The following CACNA1C variants were observed in gnomAD, a reference collection of about 807,000 sequenced individuals.
CACNA1C encodes voltage-dependent L-type calcium channel subunit alpha-1C.
Under a neutral mutation model 229.0 loss-of-function variants are expected in CACNA1C, and 30 were observed. That is an observed-to-expected ratio of 0.13 (90% CI 0.10 to 0.18). CACNA1C has a LOEUF of 0.18. Among genes scored for constraint, CACNA1C ranks in the 10% least tolerant of loss-of-function variants. The pLI, the probability that CACNA1C is intolerant of heterozygous loss-of-function variation, is 1.00. For synonymous variants in CACNA1C, 1,114 were observed against 1,132.5 expected, an observed-to-expected ratio of 0.98 and a Z score of 0.33; for missense variants, 1,658 against 2,845.0, an observed-to-expected ratio of 0.58 and a Z score of 9.49.
At chr12:2,114,890 T>G (rs1229023639) in intron 1 of CACNA1C, among the ~76,000 whole-genome samples, 1 of 152,226 alleles carries the variant, frequency 6.6e-6, no homozygotes, top group Non-Finnish European at 1.5e-5. Flanking sequence ...AATATGTATT[T>G]TAATTTCTAG....
chr12:2,051,663 A>T (rs1458957014), upstream of CACNA1C, among the ~76,000 whole-genome samples: 2 of 152,140 alleles, frequency 1.3e-5, no homozygotes. Flanking sequence ...CTAGACGTGG[A>T]ATGATGAGAG....
rs745340145 is a variant in CACNA1C at position 2,607,068 on chromosome 12, T to C, written c.3294T>C (p.Phe1098=). Residue 1098 remains phenylalanine, a synonymous_variant, in exon 26 of 47, where the codon TTT becomes TTC. Coordinates refer to ENST00000399655, the MANE Select transcript of CACNA1C (RefSeq NM_000719.7). ...GCTGGGAGAACAGCAAGTTTGACTTTGACAATGTTCTGGCAGCCATGATGG... is the reference window on the plus strand; with the variant it reads ...GCTGGGAGAACAGCAAGTTTGACTTCGACAATGTTCTGGCAGCCATGATGG... The part of the protein sequence containing the change: ...PRSWENSKFD[F]DNVLAAMMAL... 3.1e-6 allele frequency: 5 copies of C among 1,613,964 alleles called. No individual in the cohort carries two copies. The highest frequency in any genetic ancestry group is 1.6e-4 in the Middle Eastern group (1 of 6,062).
chr12:2,509,829 G>A (rs530613353), intron 8 of CACNA1C, among the ~76,000 whole-genome samples: 8 of 152,296 alleles, frequency 5.3e-5, no homozygotes, highest in Non-Finnish European at 1.0e-4. Context: ...TGGCCTCAGC[G>A]GGAACATGTA....
intron 3 of CACNA1C, among the ~76,000 whole-genome samples, chr12:2,221,015 G>A (rs2061334776): frequency 6.6e-6 from 1 of 152,232 alleles, no homozygotes; most frequent in Non-Finnish European, 1.5e-5. Context: ...ACTTTAAGCT[G>A]TTGGTCAGGG....
At chr12:2,148,891 G>A (rs987598397) in intron 3 of CACNA1C, among the ~76,000 whole-genome samples, 6 of 152,180 alleles carry the variant, frequency 3.9e-5, no homozygotes. Flanking sequence ...GCAGTCCAGT[G>A]GGCAGCCTGG....
At chr12:2,439,603 C>A (rs1336791794) in intron 3 of CACNA1C, among the ~76,000 whole-genome samples, 3 of 152,062 alleles carry the variant, frequency 2.0e-5, no homozygotes, top group Non-Finnish European at 4.4e-5. Context: ...AGGCCCACAC[C>A]CATGTGCTGG....
chr12:2,089,146 G>A (rs1348500554), intron 1 of CACNA1C, among the ~76,000 whole-genome samples: 1 of 152,104 alleles, frequency 6.6e-6, no homozygotes, highest in Non-Finnish European at 1.5e-5. Context: ...GAAGGGTGGG[G>A]CAGTGGGTAA....
chr12:2,556,161 C>G (rs1254018506), intron 10 of CACNA1C, among the ~76,000 whole-genome samples: 1 of 152,184 alleles, frequency 6.6e-6, no homozygotes, highest in Non-Finnish European at 1.5e-5. Context: ...TCAGCCTTCT[C>G]TCCTCCACAC....
At chr12:2,686,122 CCT>C in intron 44 of CACNA1C, 42 bp from the exon 45 acceptor site, 2 of 1,475,126 alleles carry the variant, frequency 1.4e-6, no homozygotes, top group Admixed American at 1.7e-5. Flanking sequence ...AGGCCAGTGC[CCT>C]GTTTTCCTGC....
chr12:2,585,657 A>G lies in CACNA1C; in HGVS notation c.2460+161A>G, dbSNP rs1391929777. ...ACAGGAGAGCTGGGAGGGGGAAGATAAGGCAGATTGGCTGGATCCCAGCCA... is the reference window on the plus strand; with the variant it reads ...ACAGGAGAGCTGGGAGGGGGAAGATGAGGCAGATTGGCTGGATCCCAGCCA... On this transcript the variant is annotated intron_variant, in intron 17 of 46. Transcript: ENST00000399655. This position sits in a 1 kb window ranked among gnomAD's most constrained non-coding sequence, Gnocchi z 4.1. Among the ~76,000 whole-genome samples, 1 of 152,196 alleles carries G rather than the reference A, an allele frequency of 6.6e-6. No homozygotes were observed. The highest frequency in any genetic ancestry group is 1.5e-5 in the Non-Finnish European group (1 of 68,028).
chr12:2,567,466 GA>G, intron 12 of CACNA1C, 102 bp from the exon 13 acceptor site: 1 of 715,468 alleles, frequency 1.4e-6, no homozygotes, highest in Admixed American at 2.5e-5. Flanking sequence ...TGTCATGGGG[GA>G]TCTTTTTTCC....
At chr12:1,979,800 T>C (rs1460568298) in intron 1 of CACNA1C, among the ~76,000 whole-genome samples, 1 of 152,240 alleles carries the variant, frequency 6.6e-6, no homozygotes, top group Non-Finnish European at 1.5e-5. Flanking sequence ...ATTTTAGCCA[T>C]TCTAAGGAGT....
At chr12:2,292,125 A>T (rs1384361775) in intron 3 of CACNA1C, among the ~76,000 whole-genome samples, 1 of 152,252 alleles carries the variant, frequency 6.6e-6, no homozygotes, top group Non-Finnish European at 1.5e-5. Context: ...ACTAAGTGCC[A>T]GGCCTTGTGC....
At chr12:2,565,251 G>A (rs1359602693) in intron 11 of CACNA1C, among the ~76,000 whole-genome samples, 3 of 151,774 alleles carry the variant, frequency 2.0e-5, no homozygotes, top group Non-Finnish European at 4.4e-5. Context: ...GGTGGATCAT[G>A]AGGTCAGGAG....
chr12:2,368,261 C>T (rs2097770834), intron 3 of CACNA1C, among the ~76,000 whole-genome samples: 1 of 152,156 alleles, frequency 6.6e-6, no homozygotes, highest in Non-Finnish European at 1.5e-5. Flanking sequence ...AAGAAAGGAA[C>T]GTGCACTAGA....
intron 3 of CACNA1C, among the ~76,000 whole-genome samples, chr12:2,412,633 A>G (rs1052668871): frequency 6.6e-6 from 1 of 152,230 alleles, no homozygotes; most frequent in African/African-American, 2.4e-5. Flanking sequence ...GCTTCATAGT[A>G]AGTGCTCAGT....
chr12:2,506,205 T>C (rs1357304080), intron 8 of CACNA1C, among the ~76,000 whole-genome samples: 1 of 152,168 alleles, frequency 6.6e-6, no homozygotes, highest in Non-Finnish European at 1.5e-5. Flanking sequence ...ATAACAGTGA[T>C]GAGCAGAACA....
Position 2,391,248 on chromosome 12 carries a change from G to A in CACNA1C, c.478-57728G>A, listed in dbSNP as rs374478545. Among the ~76,000 whole-genome samples the A allele has an allele frequency of 2.8e-4, 42 of 152,280 alleles. No individual in the cohort carries two copies. The East Asian group carries it at 4.2e-3, about 15-fold the overall frequency. On this transcript the variant is annotated intron_variant, in intron 3 of 46. Coordinates refer to ENST00000399655, the MANE Select transcript of CACNA1C (RefSeq NM_000719.7). ...TTGGGTGTTTGTGGTGCATCCACACGGACACGTCCATTAGGAGTTTGTATC... is the reference window on the plus strand; with the variant it reads ...TTGGGTGTTTGTGGTGCATCCACACAGACACGTCCATTAGGAGTTTGTATC...
In CACNA1C at chr12:2,153,898, G is replaced by T. The variant is rs915713550; in HGVS notation, c.477+33468G>T. On this transcript the variant is annotated intron_variant, in intron 3 of 46. Transcript: ENST00000399655. ...TCTCAGAGAAGCTGAATAATCACAG[G>T]GTCTCACCAAGTGCCACCTCAACAA... Among the ~76,000 whole-genome samples the T allele has an allele frequency of 5.3e-5, 8 of 152,078 alleles. No individual in the cohort carries two copies. The East Asian group carries it at 1.5e-3, about 29-fold the overall frequency.
Sources: gnomAD v4.1 joint callset for allele counts (sites outside exome capture counted in the v4.1 genomes callset) on GRCh38, gnomAD v4.1.1 for gene constraint, Gnocchi (gnomAD v3.1) non-coding constraint, MANE v1.5 for transcripts, NCBI Gene and HGNC (gene_info 2026-07-23, HGNC 2026-07-21) for gene names.